The following FAM193A variants were observed in gnomAD, a reference collection of about 807,000 sequenced individuals.
The protein encoded by FAM193A is family with sequence similarity 193 member A.
In FAM193A, 22 loss-of-function variants were observed where a neutral mutation model predicts 126.5. That is an observed-to-expected ratio of 0.17 (90% confidence interval 0.12 to 0.25). FAM193A has a LOEUF of 0.25. Among genes scored for constraint, FAM193A ranks in the 10% least tolerant of loss-of-function variants. The probability of loss-of-function intolerance (pLI) is 1.00; values close to 1 mark genes in which losing one functional copy is unlikely to be tolerated. For missense variants in FAM193A, 1,675 were observed against 1,672.8 expected, an observed-to-expected ratio of 1.00 and a Z score of -0.02; for synonymous variants, 761 against 646.8, an observed-to-expected ratio of 1.18 and a Z score of -2.68.
chr4:2,683,443 C>T (rs992525604), intron 13 of FAM193A, among the ~76,000 whole-genome samples: 10 of 152,074 alleles, frequency 6.6e-5, no homozygotes, highest in Non-Finnish European at 1.0e-4. Flanking sequence ...TACAGGCTCC[C>T]GCCATCATGC....
intron 20 of FAM193A, among the ~76,000 whole-genome samples, chr4:2,730,077 T>G (rs924873714): frequency 8.5e-5 from 13 of 152,088 alleles, no homozygotes; most frequent in African/African-American, 3.1e-4. Context: ...CCTGGCTAAC[T>G]TTTTACTTTT....
chr4:2,557,739 T>A (rs1037541233), intron 1 of FAM193A, among the ~76,000 whole-genome samples: 1 of 151,080 alleles, frequency 6.6e-6, no homozygotes, highest in Non-Finnish European at 1.5e-5. Context: ...GATCATGAGG[T>A]CAGGAGATCA....
intron 1 of FAM193A, among the ~76,000 whole-genome samples, chr4:2,593,824 C>T (rs760751234): frequency 2.0e-5 from 3 of 151,248 alleles, no homozygotes; most frequent in Non-Finnish European, 4.4e-5. Context: ...TTTCTAAGAC[C>T]TGAGGAAAAG....
chr4:2,674,457 G>A (rs958350948), intron 13 of FAM193A, among the ~76,000 whole-genome samples: 12 of 152,186 alleles, frequency 7.9e-5, no homozygotes, highest in African/African-American at 2.9e-4. Context: ...ATCAACAGCA[G>A]GATTGTTGGG....
At chr4:2,605,039 G>A (rs752736001) in intron 2 of FAM193A, among the ~76,000 whole-genome samples, 2 of 150,630 alleles carry the variant, frequency 1.3e-5, no homozygotes, top group East Asian at 1.9e-4. Flanking sequence ...GAACTCCGGC[G>A]CCCAAGCAAT....
At chr4:2,712,894 A>G (rs888133336) in intron 19 of FAM193A, among the ~76,000 whole-genome samples, 2 of 151,824 alleles carry the variant, frequency 1.3e-5, no homozygotes, top group Non-Finnish European at 2.9e-5. Context: ...CCTGAGGTCA[A>G]GAGTTCAAGA....
At chr4:2,616,338 A>C (rs1742184545) in intron 2 of FAM193A, among the ~76,000 whole-genome samples, 1 of 152,122 alleles carries the variant, frequency 6.6e-6, no homozygotes, top group African/African-American at 2.4e-5. Context: ...TACATGGAAT[A>C]TGGCTTCCCA....
At chr4:2,658,743 T>C (rs1327938017) in intron 8 of FAM193A, among the ~76,000 whole-genome samples, 1 of 150,148 alleles carries the variant, frequency 6.7e-6, no homozygotes, top group Non-Finnish European at 1.5e-5. Flanking sequence ...CATGTGTCCC[T>C]GTGCTTTTGT....
intron 1 of FAM193A, among the ~76,000 whole-genome samples, chr4:2,544,466 G>A (rs1337389952): frequency 1.3e-5 from 2 of 152,140 alleles, no homozygotes; most frequent in Non-Finnish European, 2.9e-5. Flanking sequence ...ACTTTGGGAG[G>A]CCGAGGTGGA....
chr4:2,619,721 T>G (rs571406659), intron 2 of FAM193A, among the ~76,000 whole-genome samples: 1 of 152,130 alleles, frequency 6.6e-6, no homozygotes, highest in African/African-American at 2.4e-5. Context: ...TGTCTCTCTC[T>G]GTCACCCAGG....
chr4:2,718,426 T>TA (rs34035153), intron 20 of FAM193A, among the ~76,000 whole-genome samples: 157 of 148,490 alleles, frequency 1.1e-3, no homozygotes, highest in African/African-American at 3.3e-3. Context: ...TGTCAGTAAT[T>TA]AAAAAAAAAA....
rs1716862193 is a variant in FAM193A at position 2,694,934 on chromosome 4, G to A, written c.3093-12G>A. On this transcript the variant is annotated splice_polypyrimidine_tract_variant and intron_variant, in intron 16 of 20. Coordinates refer to ENST00000637812, the MANE Select transcript of FAM193A (RefSeq NM_001366318.2). The stretch of plus-strand genomic sequence containing the variant: ...CGGCCACTTGCTGATGAGCTTGTAT[G>A]CGGTTTTGCAGTGACCCTGACTGCG... 6 of 1,578,538 alleles carry A rather than the reference G, an allele frequency of 3.8e-6. No individual in the cohort carries two copies. Among genetic ancestry groups the A allele is most frequent in the Non-Finnish European group, 5.1e-6 (6 of 1,165,744 alleles).
chr4:2,538,100 T>C (rs763587591), intron 1 of FAM193A, among the ~76,000 whole-genome samples: 4 of 152,212 alleles, frequency 2.6e-5, no homozygotes, highest in Admixed American at 6.5e-5. Flanking sequence ...TATAATGTTA[T>C]TTAAACTCTT....
rs772130211 is a variant in FAM193A at position 2,731,831 on chromosome 4, A to G, written c.4511A>G (p.Asn1504Ser). Residue 1504 changes from asparagine to serine, a missense_variant, in exon 21 of 21, where the codon AAT (asparagine) becomes AGT (serine). This residue lies in a region of FAM193A where 20 missense variants were observed against 52.2 expected (regional missense o/e 0.38). Transcript: ENST00000637812. Reference protein sequence around the residue: ...TRQRLSINWSNFSLKKATFAA... With the variant: ...TRQRLSINWSSFSLKKATFAA... ...CAAAGACTGTCTATCAACTGGTCCA[A>G]TTTTAGCTTGAAAAAAGCCACCTTT... The G allele has an allele frequency of 5.0e-6, 8 of 1,613,974 alleles. No individual in the cohort carries two copies. The highest frequency in any genetic ancestry group is 4.5e-5 in the East Asian group (2 of 44,894).
intron 1 of FAM193A, among the ~76,000 whole-genome samples, chr4:2,583,180 G>A (rs955810561): frequency 5.9e-5 from 9 of 152,164 alleles, no homozygotes; most frequent in Admixed American, 4.6e-4. Context: ...GACCACATTG[G>A]CCAAGCTGGT....
chr4:2,601,303 G>T (rs557029534), intron 2 of FAM193A, among the ~76,000 whole-genome samples: 8 of 139,146 alleles, frequency 5.7e-5, no homozygotes, highest in Non-Finnish European at 1.2e-4. Context: ...TGCGATCTCA[G>T]CTTACTGCAA....
intron 20 of FAM193A, among the ~76,000 whole-genome samples, chr4:2,724,595 A>G (rs1054513606): frequency 2.0e-5 from 3 of 152,142 alleles, no homozygotes; most frequent in African/African-American, 7.2e-5. Flanking sequence ...ACACCTTGTA[A>G]TCCCAGCTCT....
At chr4:2,560,274 T>A (rs1056990043) in intron 1 of FAM193A, among the ~76,000 whole-genome samples, 1 of 152,170 alleles carries the variant, frequency 6.6e-6, no homozygotes, top group Non-Finnish European at 1.5e-5. Flanking sequence ...TGAGTTCTTC[T>A]GTCTTTGCCT....
intron 13 of FAM193A, among the ~76,000 whole-genome samples, chr4:2,680,861 C>T (rs371828843): frequency 6.6e-6 from 1 of 151,460 alleles, no homozygotes; most frequent in Non-Finnish European, 1.5e-5. Flanking sequence ...AGGCTGGTCT[C>T]GAACCCCTGA....
Sources: allele counts gnomAD v4.1 joint callset (sites outside exome capture counted in the v4.1 genomes callset), GRCh38; gene constraint gnomAD v4.1.1; regional missense constraint gnomAD v4.1.1; transcripts MANE v1.5; gene names NCBI Gene and HGNC (gene_info 2026-07-23, HGNC 2026-07-21).